The following UGT3A1 variants were observed in gnomAD, a reference collection of about 807,000 sequenced individuals.
UGT3A1 encodes UDP glycosyltransferase family 3 member A1.
UGT3A1 carries 40 observed loss-of-function variants against 37.6 expected under a neutral mutation model. That is an observed-to-expected ratio of 1.06 (90% confidence interval 0.83 to 1.38). The LOEUF is 1.38. UGT3A1 is among the 40% of genes most tolerant of loss of function. UGT3A1 has a pLI of 0.00. For synonymous variants in UGT3A1, 256 were observed against 232.3 expected (o/e 1.10, Z -0.93); for missense variants, 642 against 634.2 (o/e 1.01, Z -0.13).
chr5:35,983,464 C>A (rs376123753), intron 2 of UGT3A1, among the ~76,000 whole-genome samples: 1 of 151,994 alleles, frequency 6.6e-6, no homozygotes, highest in South Asian at 2.1e-4. Flanking sequence ...TGAATTCTAT[C>A]AAACATCCAA....
rs985674835 is a variant in UGT3A1 at position 35,952,829 on chromosome 5, T to C, written c.*1373A>G. The C allele has an allele frequency of 6.6e-6, 1 of 152,208 alleles. No individual in the cohort carries two copies. 9.4% of individuals were successfully genotyped at this position (152,208 alleles called of 1,614,324 possible). A position where few individuals can be genotyped will look rare whatever the true frequency, so the allele number is the denominator to read the frequency against. On this transcript the variant is annotated 3_prime_UTR_variant, in exon 7 of 7. Coordinates refer to ENST00000274278, the MANE Select transcript of UGT3A1 (RefSeq NM_152404.4). ...CTTCATGCTTCTGGCTCTTGTGTCA[T>C]GAGAACTCACAAAATGGATAGACAT...
chr5:35,975,009 C>T (rs1342887935), intron 2 of UGT3A1, among the ~76,000 whole-genome samples: 5 of 152,160 alleles, frequency 3.3e-5, no homozygotes, highest in Non-Finnish European at 7.3e-5. Flanking sequence ...GTTATAAGAC[C>T]TATCTGAATG....
At chr5:35,963,023 A>G (rs1265465228) in intron 4 of UGT3A1, 4 of 686,496 alleles carry the variant, frequency 5.8e-6, no homozygotes, top group Non-Finnish European at 7.9e-6. Context: ...GGTGTGAGGG[A>G]GAGAGAAAGC....
Position 35,988,533 on chromosome 5 carries a change from A to G in UGT3A1, c.113T>C (p.Leu38Pro), listed in dbSNP as rs760189082. Residue 38 changes from leucine to proline, a missense_variant, in exon 2 of 7, where the codon CTG (leucine) becomes CCG (proline). Coordinates refer to ENST00000274278, the MANE Select transcript of UGT3A1 (RefSeq NM_152404.4). ...ISTLGGSHYLLLDRVSQILQE... is the reference protein window; with the variant it reads ...ISTLGGSHYLPLDRVSQILQE... ...AAGAATCTGAGACACCCGGTCCAAC[A>G]GTAGGTAATGGCTTCCACCTAGAAA... The G allele has an allele frequency of 6.2e-7, 1 of 1,613,212 alleles. No homozygotes were observed. The highest frequency in any genetic ancestry group is 1.7e-5 in the Admixed American group (1 of 59,884).
chr5:35,992,760 G>A (rs1740989142), upstream of UGT3A1, among the ~76,000 whole-genome samples: 2 of 152,172 alleles, frequency 1.3e-5, no homozygotes, highest in African/African-American at 4.8e-5. Flanking sequence ...AGAGAAAAAT[G>A]AGCACAAAAC....
rs1189250743 is a variant in UGT3A1, at chr5:35,953,950, G to A, written c.*252C>T. 4 of 458,752 alleles carry A rather than the reference G, an allele frequency of 8.7e-6. No individual in the cohort carries two copies. The highest frequency in any genetic ancestry group is 1.2e-5 in the Non-Finnish European group (3 of 254,946). 28.4% of individuals were successfully genotyped at this position (458,752 alleles called of 1,614,324 possible). On this transcript the variant is annotated 3_prime_UTR_variant, in exon 7 of 7. Coordinates refer to ENST00000274278, the MANE Select transcript of UGT3A1 (RefSeq NM_152404.4). ...TCAGAGTCCTGTGTCTAGGAAAAGG[G>A]AGAAAGGAGGAGGCAGGGCTGGCAG...
chr5:36,000,159 A>G (rs751976712), intron 1 of UGT3A1, among the ~76,000 whole-genome samples: 7 of 152,212 alleles, frequency 4.6e-5, no homozygotes, highest in African/African-American at 1.2e-4. Flanking sequence ...CACTCCCCCT[A>G]GTGCTGCTTA....
intron 4 of UGT3A1, chr5:35,962,768 T>C (rs1739639968): frequency 1.6e-6 from 1 of 639,784 alleles, no homozygotes; most frequent in South Asian, 1.8e-5. Context: ...CAAACCTTTG[T>C]TCCGAGGGCT....
upstream of UGT3A1, among the ~76,000 whole-genome samples, chr5:35,994,321 GT>G (rs1396209947): frequency 2.7e-4 from 37 of 137,898 alleles, no homozygotes; most frequent in Admixed American, 7.0e-4. Context: ...GTTTTGTTTT[GT>G]TTTGTTTTGT....
In UGT3A1 at chr5:35,954,113, G is replaced by T; in HGVS notation, c.*89C>A. The stretch of plus-strand genomic sequence containing the variant: ...AGGATCAGTGGCAGGTGGAGCTGAA[G>T]AGAGAACAGAGGGGTGGCGTGTGCT... On this transcript the variant is annotated 3_prime_UTR_variant, in exon 7 of 7. Coordinates refer to ENST00000274278, the MANE Select transcript of UGT3A1 (RefSeq NM_152404.4). 1 of 1,405,404 alleles carries T rather than the reference G, an allele frequency of 7.1e-7. No homozygotes were observed. Among genetic ancestry groups the T allele is most frequent in the Non-Finnish European group, 9.7e-7 (1 of 1,026,024 alleles). 87.1% of individuals were successfully genotyped at this position (1,405,404 alleles called of 1,614,324 possible).
chr5:35,955,592 T>C (rs772826350), intron 6 of UGT3A1, 53 bp downstream of exon 6: 1 of 1,591,138 alleles, frequency 6.3e-7, no homozygotes, highest in East Asian at 2.2e-5. Flanking sequence ...GTATCCCTTG[T>C]GTTTTCTATC....
At chr5:35,985,755 T>G (rs564455848) in intron 2 of UGT3A1, among the ~76,000 whole-genome samples, 1 of 152,304 alleles carries the variant, frequency 6.6e-6, no homozygotes, top group South Asian at 2.1e-4. Context: ...ATGAAACTAC[T>G]AGAAGAAGAC....
chr5:35,984,399 T>C (rs1342149379), intron 2 of UGT3A1, among the ~76,000 whole-genome samples: 1 of 152,268 alleles, frequency 6.6e-6, no homozygotes, highest in South Asian at 2.1e-4. Context: ...CATTATCTAA[T>C]CATTACATCA....
chr5:35,982,884 T>C (rs1188258569), intron 2 of UGT3A1, among the ~76,000 whole-genome samples: 1 of 152,174 alleles, frequency 6.6e-6, no homozygotes, highest in East Asian at 1.9e-4. Flanking sequence ...TTCCCCTTGC[T>C]CTTCTTTTGA....
chr5:35,957,240 A>C lies in UGT3A1; in HGVS notation c.1023T>G (p.His341Gln). The change falls in exon 5 of 7, where the codon CAT becomes CAG. Residue 341 changes from histidine (H) to glutamine (Q), a missense_variant. Transcript: ENST00000274278. ...CCACAATTTTCACATTTGTGGCCAA[A>C]TGAACATCTCTGGGCCAATGAGAAC... The part of the protein sequence containing the change: ...CQSSHWPRDV[H>Q]LATNVKIVDW... 6.2e-7 allele frequency: 1 copy of C among 1,614,174 alleles called. No homozygotes were observed. The highest frequency in any genetic ancestry group is 8.5e-7 in the Non-Finnish European group (1 of 1,180,004).
At chr5:35,986,876 T>A (rs1740747966) in intron 2 of UGT3A1, among the ~76,000 whole-genome samples, 2 of 152,088 alleles carry the variant, frequency 1.3e-5, no homozygotes. Flanking sequence ...GTCATGCATA[T>A]CCCAATTACA....
chr5:35,990,661 C>G (rs1265699988), intron 1 of UGT3A1, among the ~76,000 whole-genome samples: 1 of 152,096 alleles, frequency 6.6e-6, no homozygotes, highest in Non-Finnish European at 1.5e-5. Context: ...CTGCGCCACC[C>G]TGGCTCCATA....
At chr5:35,980,988 G>A (rs1740499321) in intron 2 of UGT3A1, among the ~76,000 whole-genome samples, 1 of 152,126 alleles carries the variant, frequency 6.6e-6, no homozygotes, top group Non-Finnish European at 1.5e-5. Flanking sequence ...AGTCAAAACT[G>A]ACCTGCTGGT....
chr5:35,990,710 G>A (rs1740909899), intron 1 of UGT3A1, among the ~76,000 whole-genome samples: 1 of 152,046 alleles, frequency 6.6e-6, no homozygotes, highest in Non-Finnish European at 1.5e-5. Flanking sequence ...CCTCAGGAGT[G>A]CCTTTCCCTG....
Sources: gnomAD v4.1 joint callset for allele counts (sites outside exome capture counted in the v4.1 genomes callset) on GRCh38, gnomAD v4.1.1 for gene constraint, MANE v1.5 for transcripts, NCBI Gene and HGNC (gene_info 2026-07-23, HGNC 2026-07-21) for gene names.